Variants in ASH1L observed in about 807,000 individuals in gnomAD.
ASH1L encodes histone-lysine N-methyltransferase ASH1L.
In ASH1L, 23 loss-of-function variants were observed where a neutral mutation model predicts 269.0. The ratio of observed to expected loss-of-function variants is 0.09; its 90% confidence interval spans 0.06 to 0.12. ASH1L has a LOEUF of 0.12. Ranked by LOEUF, ASH1L falls within the 10% of genes least tolerant of loss-of-function variation. The probability of loss-of-function intolerance (pLI) is 1.00; values close to 1 mark genes in which losing one functional copy is unlikely to be tolerated. For missense variants in ASH1L, 2,912 were observed against 3,567.8 expected, an observed-to-expected ratio of 0.82 and a Z score of 4.68; for synonymous variants, 1,187 against 1,253.5, an observed-to-expected ratio of 0.95 and a Z score of 1.12.
intron 1 of ASH1L, among the ~76,000 whole-genome samples, chr1:155,550,390 T>C (rs1671115177): frequency 6.6e-6 from 1 of 152,178 alleles, no homozygotes; most frequent in Non-Finnish European, 1.5e-5. Context: ...GATCAAGTCA[T>C]TTCCCTGCTT....
At chr1:155,559,678 C>A (rs1018519867) in intron 1 of ASH1L, among the ~76,000 whole-genome samples, 1 of 152,078 alleles carries the variant, frequency 6.6e-6, no homozygotes, top group African/African-American at 2.4e-5. Flanking sequence ...AAAATTTCAA[C>A]TTCTAGGAAT....
chr1:155,433,828 T>A, intron 5 of ASH1L: 1 of 1,606,528 alleles, frequency 6.2e-7, no homozygotes, highest in Non-Finnish European at 8.5e-7. Context: ...ACAATGAAAA[T>A]CTTCAGGAGA....
At chr1:155,400,100 C>T (rs111913838) in intron 6 of ASH1L, among the ~76,000 whole-genome samples, 282 of 152,294 alleles carry the variant, frequency 1.9e-3, no homozygotes, top group African/African-American at 6.6e-3. Context: ...GTAATCCCAA[C>T]AGTTTGGGAG....
chr1:155,425,470 G>A (rs185227811), intron 5 of ASH1L, among the ~76,000 whole-genome samples: 2 of 139,764 alleles, frequency 1.4e-5, no homozygotes, highest in Admixed American at 1.4e-4. Context: ...GTGGAGTCTC[G>A]CTCTGTTGCC....
intron 13 of ASH1L, chr1:155,358,811 G>A (rs976432257): frequency 1.3e-5 from 2 of 151,704 alleles, no homozygotes; most frequent in Non-Finnish European, 2.9e-5. Context: ...TGCTGTCAAA[G>A]CAAGCACTTA....
At chr1:155,420,557 TAA>T (rs958222875) in intron 5 of ASH1L, among the ~76,000 whole-genome samples, 1 of 143,256 alleles carries the variant, frequency 7.0e-6, no homozygotes, top group African/African-American at 2.5e-5. Flanking sequence ...ACAATGAATT[TAA>T]AAAAAAAAAG....
intron 6 of ASH1L, among the ~76,000 whole-genome samples, chr1:155,403,891 TAAA>T (rs760922886): frequency 2.2e-5 from 3 of 138,090 alleles, no homozygotes; most frequent in Admixed American, 7.3e-5. Context: ...TTCCTACCAT[TAAA>T]AAAAAAAAAA....
chr1:155,518,499 A>T (rs1260065282), intron 2 of ASH1L, among the ~76,000 whole-genome samples: 1 of 152,120 alleles, frequency 6.6e-6, no homozygotes, highest in African/African-American at 2.4e-5. Flanking sequence ...CTATATACAG[A>T]TTATATAAAG....
intron 2 of ASH1L, among the ~76,000 whole-genome samples, chr1:155,506,657 C>T (rs1667836657): frequency 6.6e-6 from 1 of 151,988 alleles, no homozygotes; most frequent in Non-Finnish European, 1.5e-5. Context: ...AAGATTATGC[C>T]ACTGAACTGC....
chr1:155,492,526 T>C (rs966258329), intron 2 of ASH1L, among the ~76,000 whole-genome samples: 17 of 152,082 alleles, frequency 1.1e-4, no homozygotes, highest in Non-Finnish European at 1.8e-4. Flanking sequence ...TCTAAGAACA[T>C]TGCTCATTGT....
At chr1:155,460,763 G>A (rs1664242111) in intron 3 of ASH1L, among the ~76,000 whole-genome samples, 1 of 152,124 alleles carries the variant, frequency 6.6e-6, no homozygotes, top group African/African-American at 2.4e-5. Context: ...TTTTAAAGCT[G>A]TACACTTAAG....
At chr1:155,458,814 T>C (rs767486804) in intron 4 of ASH1L, among the ~76,000 whole-genome samples, 3 of 152,170 alleles carry the variant, frequency 2.0e-5, no homozygotes, top group Non-Finnish European at 4.4e-5. Flanking sequence ...CTCTAAATTC[T>C]CTTTAATATA....
intron 5 of ASH1L, among the ~76,000 whole-genome samples, chr1:155,437,294 T>C (rs1319968114): frequency 6.6e-6 from 1 of 152,114 alleles, no homozygotes; most frequent in Non-Finnish European, 1.5e-5. Context: ...GAAAAAGCGA[T>C]TGAGTAGACA....
chr1:155,493,163 A>G (rs1666927045), intron 2 of ASH1L, among the ~76,000 whole-genome samples: 1 of 152,160 alleles, frequency 6.6e-6, no homozygotes, highest in African/African-American at 2.4e-5. Context: ...TTTTTTAACT[A>G]TAGTTACAGA....
chr1:155,550,823 A>C (rs1188780714), intron 1 of ASH1L, among the ~76,000 whole-genome samples: 1 of 152,212 alleles, frequency 6.6e-6, no homozygotes, highest in Non-Finnish European at 1.5e-5. Flanking sequence ...GGCTTAATAC[A>C]GTACTTGACA....
intron 1 of ASH1L, among the ~76,000 whole-genome samples, chr1:155,526,894 T>C (rs191941274): frequency 1.3e-5 from 2 of 152,312 alleles, no homozygotes; most frequent in East Asian, 1.9e-4. Flanking sequence ...AAACATACTA[T>C]AATATCTCTC....
chr1:155,533,078 C>T (rs890852565), intron 1 of ASH1L, among the ~76,000 whole-genome samples: 3 of 151,356 alleles, frequency 2.0e-5, no homozygotes, highest in African/African-American at 7.3e-5. Flanking sequence ...TGTAAATACC[C>T]CATCTATTTT....
At chr1:155,442,014 A>G (rs1218742425) in intron 4 of ASH1L, among the ~76,000 whole-genome samples, 1 of 151,582 alleles carries the variant, frequency 6.6e-6, no homozygotes, top group Non-Finnish European at 1.5e-5. Flanking sequence ...TGATCTGACC[A>G]CCTCAGCTTC....
intron 12 of ASH1L, among the ~76,000 whole-genome samples, chr1:155,369,074 T>C (rs541558220): frequency 6.6e-6 from 1 of 152,290 alleles, no homozygotes; most frequent in South Asian, 2.1e-4. Context: ...TGACAAAGTA[T>C]GTCATATTTT....
Sources: gnomAD v4.1 joint callset for allele counts (sites outside exome capture counted in the v4.1 genomes callset) on GRCh38, gnomAD v4.1.1 for gene constraint, MANE v1.5 for transcripts, NCBI Gene and HGNC (gene_info 2026-07-23, HGNC 2026-07-21) for gene names.